Variants in SLC20A2 observed in about 807,000 individuals in gnomAD.
SLC20A2 encodes sodium-dependent phosphate transporter 2.
In SLC20A2, 30 loss-of-function variants were observed where a neutral mutation model predicts 61.0. The observed-to-expected ratio is 0.49, with a 90% CI of 0.37 to 0.67. SLC20A2 has a LOEUF of 0.67. Ranked by LOEUF, SLC20A2 falls within the 30% of genes least tolerant of loss-of-function variation. The pLI, the probability that SLC20A2 is intolerant of heterozygous loss-of-function variation, is 0.00. For synonymous variants in SLC20A2, 351 were observed against 353.3 expected (o/e 0.99, Z 0.07); for missense variants, 626 against 866.4 (o/e 0.72, Z 3.48).
upstream of SLC20A2, among the ~76,000 whole-genome samples, chr8:42,505,701 C>T (rs377111533): frequency 1.5e-4 from 23 of 151,910 alleles, no homozygotes; most frequent in African/African-American, 4.8e-4. Context: ...AGTTTGAGAC[C>T]AGCCTGGCTA....
At chr8:42,531,171 T>C (rs1338740397) in intron 1 of SLC20A2, among the ~76,000 whole-genome samples, 2 of 152,266 alleles carry the variant, frequency 1.3e-5, no homozygotes, top group Admixed American at 6.5e-5. Flanking sequence ...TTCATCTCTA[T>C]AGTTCCAGAA....
At chr8:42,499,273 T>C (rs1355387521) in intron 1 of SLC20A2, among the ~76,000 whole-genome samples, 2 of 152,012 alleles carry the variant, frequency 1.3e-5, no homozygotes, top group East Asian at 3.9e-4. Context: ...TCGCCCAAGG[T>C]CATAACCAGT....
upstream of SLC20A2, chr8:42,541,938 G>A (rs1813233287): frequency 6.6e-6 from 1 of 152,212 alleles, no homozygotes; most frequent in Admixed American, 6.5e-5. Flanking sequence ...ACACGGGCCA[G>A]TTGCGGCGGC....
chr8:42,421,575 C>T (rs572779858), intron 10 of SLC20A2, among the ~76,000 whole-genome samples: 2 of 152,174 alleles, frequency 1.3e-5, no homozygotes, highest in South Asian at 2.1e-4. Flanking sequence ...GAGGCCGAGG[C>T]GGGCAGATCA....
chr8:42,492,355 C>CA (rs1409358392), intron 1 of SLC20A2, among the ~76,000 whole-genome samples: 4 of 151,778 alleles, frequency 2.6e-5, no homozygotes, highest in Middle Eastern at 3.4e-3. Flanking sequence ...GACTCTGTCT[C>CA]AAAAAAAAGA....
At chr8:42,473,537 A>G (rs1410346956) in intron 1 of SLC20A2, among the ~76,000 whole-genome samples, 3 of 152,234 alleles carry the variant, frequency 2.0e-5, no homozygotes, top group African/African-American at 7.2e-5. Flanking sequence ...GTCCCTGCTC[A>G]AATATCACCG....
chr8:42,450,351 C>T (rs998781284), intron 5 of SLC20A2, among the ~76,000 whole-genome samples: 6 of 151,948 alleles, frequency 3.9e-5, no homozygotes, highest in African/African-American at 1.5e-4. Flanking sequence ...CCTCAACCTC[C>T]CAAGTAGCTG....
At chr8:42,465,621 G>C (rs1296160686) in intron 3 of SLC20A2, among the ~76,000 whole-genome samples, 156 bp downstream of exon 3, 6 of 151,432 alleles carry the variant, frequency 4.0e-5, no homozygotes, top group Admixed American at 3.9e-4. Flanking sequence ...AACCCGGGAG[G>C]TGGAGGTTGC....
chr8:42,478,090 T>C (rs1808271010), intron 1 of SLC20A2, among the ~76,000 whole-genome samples: 1 of 152,070 alleles, frequency 6.6e-6, no homozygotes, highest in Admixed American at 6.5e-5. Context: ...TTCACTATGT[T>C]GGCCAGGATG....
chr8:42,451,741 A>G (rs1473628683), intron 5 of SLC20A2, among the ~76,000 whole-genome samples: 12 of 113,882 alleles, frequency 1.1e-4, no homozygotes, highest in African/African-American at 1.4e-4. Context: ...GGAGGAGGAA[A>G]AGATGGAGGA....
chr8:42,451,862 A>G (rs553537393), intron 5 of SLC20A2, among the ~76,000 whole-genome samples: 38 of 131,128 alleles, frequency 2.9e-4, no homozygotes, highest in African/African-American at 1.1e-3. Flanking sequence ...AGAGGAGGAA[A>G]AGATGGAGGA....
chr8:42,447,360 A>T (rs1231428964), intron 5 of SLC20A2, among the ~76,000 whole-genome samples: 1 of 150,740 alleles, frequency 6.6e-6, no homozygotes, highest in Non-Finnish European at 1.5e-5. Context: ...AAAAAAAAAA[A>T]ATTAACATAC....
At chr8:42,457,646 C>A (rs1806322351) in intron 5 of SLC20A2, among the ~76,000 whole-genome samples, 1 of 152,028 alleles carries the variant, frequency 6.6e-6, no homozygotes, top group South Asian at 2.1e-4. Context: ...ACCATCACGC[C>A]CAGCTAATTT....
chr8:42,503,015 T>C (rs919615280), upstream of SLC20A2, among the ~76,000 whole-genome samples: 9 of 152,214 alleles, frequency 5.9e-5, no homozygotes, highest in Non-Finnish European at 1.2e-4. Flanking sequence ...AAAGGAGCAA[T>C]CTGATGTATG....
Position 42,472,448 on chromosome 8 carries a change from C to A in SLC20A2, c.-58G>T, listed in dbSNP as rs2131228909. The A allele has an allele frequency of 1.3e-6, 2 of 1,526,640 alleles. No individual in the cohort carries two copies. The highest frequency in any genetic ancestry group is 1.2e-5 in the South Asian group (1 of 82,578). The allele number at this position is 1,526,640 out of a possible 1,614,324, so 94.6% of individuals were successfully genotyped here. A position where few individuals can be genotyped will look rare whatever the true frequency, so the allele number is the denominator to read the frequency against. On this transcript the variant is annotated 5_prime_UTR_variant, in exon 2 of 11. Transcript: ENST00000520262. The surrounding 1 kb of genome is among the most constrained non-coding windows in gnomAD (Gnocchi z 4.1). Reference sequence around the variant, plus strand: ...GCAGGAATATTTTAAATAAACAAAGCTTGAGGTTATAAACTTCGTAAGGCC... The same window carrying A: ...GCAGGAATATTTTAAATAAACAAAGATTGAGGTTATAAACTTCGTAAGGCC...
chr8:42,535,995 TAAATTAATCAG>T (rs1303993794), intron 1 of SLC20A2, among the ~76,000 whole-genome samples: 1 of 152,138 alleles, frequency 6.6e-6, no homozygotes, highest in Non-Finnish European at 1.5e-5. Context: ...AGGCTGAAAA[TAAATTAATCAG>T]TGTATCATTC....
intron 1 of SLC20A2, among the ~76,000 whole-genome samples, chr8:42,488,786 C>T (rs971853616): frequency 2.0e-5 from 3 of 152,090 alleles, no homozygotes; most frequent in Non-Finnish European, 4.4e-5. Flanking sequence ...TATGATTTTT[C>T]ATTTCCTGAA....
intron 8 of SLC20A2, among the ~76,000 whole-genome samples, chr8:42,434,865 T>C (rs115823665): frequency 0.015 from 2,297 of 152,256 alleles, 73 homozygotes; most frequent in African/African-American, 0.053. Flanking sequence ...GGTGTGTGTG[T>C]GAATGTGCGT....
intron 5 of SLC20A2, 69 bp downstream of exon 5, chr8:42,459,827 C>A: frequency 9.8e-7 from 1 of 1,017,146 alleles, no homozygotes; most frequent in Non-Finnish European, 1.5e-6. Flanking sequence ...AATACCAGCA[C>A]CAAATAAACT....
Sources: gnomAD v4.1 joint callset for allele counts (sites outside exome capture counted in the v4.1 genomes callset) on GRCh38, gnomAD v4.1.1 for gene constraint, Gnocchi (gnomAD v3.1) non-coding constraint, MANE v1.5 for transcripts, NCBI Gene and HGNC (gene_info 2026-07-23, HGNC 2026-07-21) for gene names.